The following IGSF10 variants were observed in gnomAD, a reference collection of about 807,000 sequenced individuals.
IGSF10 encodes the protein immunoglobulin superfamily member 10, also known as calvaria mechanical force protein 608.
Under a neutral mutation model 128.2 loss-of-function variants are expected in IGSF10, and 126 were observed. The observed-to-expected ratio is 0.98, with a 90% confidence interval of 0.85 to 1.14. The LOEUF is 1.14. IGSF10 is among the 50% of genes most tolerant of loss of function. The pLI is 0.00. For synonymous variants in IGSF10, 1,185 were observed against 1,146.2 expected, an observed-to-expected ratio of 1.03 and a Z score of -0.68; for missense variants, 3,295 against 3,149.8, an observed-to-expected ratio of 1.05 and a Z score of -1.10.
At chr3:151,442,574 A>G (rs1384966311) in intron 7 of IGSF10, among the ~76,000 whole-genome samples, 4 of 72,406 alleles carry the variant, frequency 5.5e-5, no homozygotes, top group Non-Finnish European at 1.1e-4. Flanking sequence ...CTTTTAGTAG[A>G]GATAGGGTTT....
chr3:151,468,169 A>T, the IGSF10 span, among the ~76,000 whole-genome samples: 1 of 152,230 alleles, frequency 6.6e-6, no homozygotes, highest in Non-Finnish European at 1.5e-5. Context: ...AAGTTTAATT[A>T]AAAAACATAA....
Position 151,447,354 on chromosome 3 carries a change from G to A in IGSF10, c.2627C>T (p.Pro876Leu). The change falls in exon 6 of 8, where the codon CCA becomes CTA. Residue 876 changes from proline (P) to leucine (L), a missense_variant. By Grantham distance (98) the Pro-to-Leu change is moderately conservative. Transcript: ENST00000282466. Reference sequence around the variant, plus strand: ...GCCTTGTATTTGGCTTGACATGGTTGGGTTTATATTCTTTGACATGGCTGT... The same window carrying A: ...GCCTTGTATTTGGCTTGACATGGTTAGGTTTATATTCTTTGACATGGCTGT... Reference protein sequence around the residue: ...KTTAMSKNINPTMSSQIQGTT... With the variant: ...KTTAMSKNINLTMSSQIQGTT... 1 of 1,614,176 alleles carries A rather than the reference G, an allele frequency of 6.2e-7. No homozygotes were observed. Among genetic ancestry groups the A allele is most frequent in the Non-Finnish European group, 8.5e-7 (1 of 1,180,028 alleles).
At chr3:151,435,026 A>AT (rs1418689211), downstream of IGSF10, 5 of 139,126 alleles carry the variant, frequency 3.6e-5, no homozygotes, top group South Asian at 2.3e-4. Flanking sequence ...TAGTCTTCAG[A>AT]TTTTCTCCCT....
downstream of IGSF10, chr3:151,434,721 ATTTC>A (rs1300177324): frequency 3.3e-5 from 5 of 152,282 alleles, no homozygotes; most frequent in African/African-American, 7.2e-5. Context: ...TTCTTTCCAA[ATTTC>A]TTTGCCAGTT....
chr3:151,499,385 A>C, the IGSF10 span, among the ~76,000 whole-genome samples: 1 of 152,154 alleles, frequency 6.6e-6, no homozygotes, highest in Non-Finnish European at 1.5e-5. Flanking sequence ...AATAAAAAAC[A>C]CGTGGCATTA....
At chr3:151,495,503 A>T in the IGSF10 span, among the ~76,000 whole-genome samples, 1 of 152,174 alleles carries the variant, frequency 6.6e-6, no homozygotes, top group Non-Finnish European at 1.5e-5. Context: ...CCAATTCTAC[A>T]TTATCCGTGA....
At chr3:151,571,069 C>A in the IGSF10 span, among the ~76,000 whole-genome samples, 1 of 152,242 alleles carries the variant, frequency 6.6e-6, no homozygotes, top group African/African-American at 2.4e-5. Flanking sequence ...ATTTCTGAGG[C>A]CTCTGTTCTG....
chr3:151,579,988 T>A, the IGSF10 span, among the ~76,000 whole-genome samples: 1 of 151,808 alleles, frequency 6.6e-6, no homozygotes, highest in African/African-American at 2.4e-5. Flanking sequence ...CAGCCAGAAG[T>A]AAAAAGACAT....
At chr3:151,438,767 A>G (rs1360782176) in intron 7 of IGSF10, among the ~76,000 whole-genome samples, 170 bp from the exon 8 acceptor site, 2 of 151,042 alleles carry the variant, frequency 1.3e-5, no homozygotes, top group Non-Finnish European at 2.9e-5. Flanking sequence ...ATACATTTTG[A>G]GGTGTGTGTG....
the IGSF10 span, among the ~76,000 whole-genome samples, chr3:151,525,545 C>T: frequency 0.31 from 47,073 of 151,936 alleles, 7,978 homozygotes; most frequent in Middle Eastern, 0.42. Flanking sequence ...GTTGAGATCA[C>T]GGTGCCAGCC....
At chr3:151,439,496 C>T (rs939927032) in intron 7 of IGSF10, among the ~76,000 whole-genome samples, 3 of 152,198 alleles carry the variant, frequency 2.0e-5, no homozygotes, top group Non-Finnish European at 2.9e-5. Flanking sequence ...TGCCTGTGAT[C>T]CCAGCTACTC....
chr3:151,586,156 C>T, the IGSF10 span, among the ~76,000 whole-genome samples: 5 of 151,940 alleles, frequency 3.3e-5, no homozygotes, highest in African/African-American at 1.2e-4. Flanking sequence ...AATGAGGTAT[C>T]ACCACATTGC....
At chr3:151,580,762 T>C in the IGSF10 span, among the ~76,000 whole-genome samples, 1 of 152,214 alleles carries the variant, frequency 6.6e-6, no homozygotes, top group Non-Finnish European at 1.5e-5. Flanking sequence ...GGATGATTTA[T>C]TGCCTTTGTA....
chr3:151,563,170 T>C, the IGSF10 span, among the ~76,000 whole-genome samples: 1 of 152,042 alleles, frequency 6.6e-6, no homozygotes, highest in Admixed American at 6.6e-5. Flanking sequence ...CAGGTGTGTC[T>C]GCCATATATC....
chr3:151,458,479 C>G (rs764185522), intron 3 of IGSF10, 37 bp downstream of exon 3: 1 of 1,479,712 alleles, frequency 6.8e-7, no homozygotes, highest in Admixed American at 1.9e-5. Context: ...TGCGACTGAT[C>G]CCTCTTTGAG....
the IGSF10 span, among the ~76,000 whole-genome samples, chr3:151,474,989 G>A: frequency 6.6e-6 from 1 of 152,216 alleles, no homozygotes; most frequent in Admixed American, 6.5e-5. Flanking sequence ...ATTTAGGTGG[G>A]GACACAGCCA....
At chr3:151,530,722 C>T in the IGSF10 span, among the ~76,000 whole-genome samples, 2 of 152,106 alleles carry the variant, frequency 1.3e-5, no homozygotes, top group African/African-American at 4.8e-5. Flanking sequence ...AAGCACTCAA[C>T]ATGGAAAGGA....
the IGSF10 span, among the ~76,000 whole-genome samples, chr3:151,538,292 T>A: frequency 6.6e-6 from 1 of 152,238 alleles, no homozygotes; most frequent in African/African-American, 2.4e-5. Flanking sequence ...CCACTCATTA[T>A]TGCTTAATAT....
chr3:151,613,805 A>G, the IGSF10 span, among the ~76,000 whole-genome samples: 1 of 152,190 alleles, frequency 6.6e-6, no homozygotes, highest in African/African-American at 2.4e-5. Context: ...CAATGGCAAC[A>G]AAAGCCAAAA....
Sources: allele counts gnomAD v4.1 joint callset (sites outside exome capture counted in the v4.1 genomes callset), GRCh38; gene constraint gnomAD v4.1.1; transcripts MANE v1.5; gene names NCBI Gene and HGNC (gene_info 2026-07-23, HGNC 2026-07-21).